The following ADAM32 variants were observed in gnomAD, a reference collection of about 807,000 sequenced individuals.
The protein encoded by ADAM32 is ADAM metallopeptidase domain 32.
In ADAM32, 89 loss-of-function variants were observed where a neutral mutation model predicts 114.9. That is an observed-to-expected ratio of 0.77 (90% CI 0.65 to 0.92). ADAM32 has a LOEUF of 0.92. ADAM32 is among the 40% of genes least tolerant of loss of function. The pLI is 0.00. For missense variants in ADAM32, 870 were observed against 932.8 expected (o/e 0.93, Z 0.88); for synonymous variants, 285 against 307.5 (o/e 0.93, Z 0.77).
rs569256965 is a variant in ADAM32 at position 39,184,905 on chromosome 8, G to C, written c.916-2004G>C. ...TCTGTAAGCCCCTTTAGCCTATGGTGGTAATTGCACCCACCTTGTCTCAGT... is the reference window on the plus strand; with the variant it reads ...TCTGTAAGCCCCTTTAGCCTATGGTCGTAATTGCACCCACCTTGTCTCAGT... On this transcript the variant is annotated intron_variant, in intron 10 of 24. Transcript: ENST00000379907. Among the ~76,000 whole-genome samples, 16 of 152,270 alleles carry C rather than the reference G, an allele frequency of 1.1e-4. No individual in the cohort carries two copies. The South Asian group carries it at 3.3e-3, about 32-fold the overall frequency.
intron 10 of ADAM32, among the ~76,000 whole-genome samples, chr8:39,181,558 G>A (rs1805896592): frequency 6.6e-6 from 1 of 152,198 alleles, no homozygotes; most frequent in Non-Finnish European, 1.5e-5. Flanking sequence ...TGATAATTGG[G>A]CTAGGTATAG....
At chr8:39,264,366 T>C (rs1028112811) in intron 19 of ADAM32, among the ~76,000 whole-genome samples, 1 of 152,222 alleles carries the variant, frequency 6.6e-6, no homozygotes, top group African/African-American at 2.4e-5. Flanking sequence ...TAATAGTTTC[T>C]GAAGATTTTT....
chr8:39,140,883 G>C (rs527901923), intron 3 of ADAM32, among the ~76,000 whole-genome samples: 1 of 152,082 alleles, frequency 6.6e-6, no homozygotes, highest in Non-Finnish European at 1.5e-5. Flanking sequence ...AGTCTTGGGC[G>C]GGTGCACGTG....
rs1291716414 is a variant in ADAM32 at position 39,247,834 on chromosome 8, T to C, written c.1902+1668T>C. Among the ~76,000 whole-genome samples the C allele has an allele frequency of 4.6e-5, 7 of 151,798 alleles. No individual in the cohort carries two copies. In the East Asian group the frequency reaches 1.3e-3, roughly 29 times the overall value. The stretch of plus-strand genomic sequence containing the variant: ...GAGTTTTTTAGCTTTGCATTTTACA[T>C]TTAGGCCTATGACCCATTCTGGATT... On this transcript the variant is annotated intron_variant, in intron 17 of 24. Transcript: ENST00000379907.
chr8:39,119,083 T>C (rs967752027), intron 2 of ADAM32, among the ~76,000 whole-genome samples: 10 of 152,248 alleles, frequency 6.6e-5, no homozygotes, highest in Non-Finnish European at 1.2e-4. Flanking sequence ...AATTTTTATA[T>C]CTTATATGTG....
chr8:39,144,755 A>T (rs866409951), intron 3 of ADAM32, among the ~76,000 whole-genome samples: 56 of 152,350 alleles, frequency 3.7e-4, no homozygotes, highest in African/African-American at 1.2e-3. Context: ...CAAGATTAGG[A>T]TGCCTATTTT....
intron 9 of ADAM32, chr8:39,169,373 T>C (rs1370440015): frequency 6.6e-6 from 1 of 152,298 alleles, no homozygotes; most frequent in Non-Finnish European, 1.5e-5. Context: ...ACAAAAATAA[T>C]ATCTACTTCA....
At chr8:39,233,608 C>T (rs1293349320) in intron 15 of ADAM32, among the ~76,000 whole-genome samples, 2 of 152,122 alleles carry the variant, frequency 1.3e-5, no homozygotes, top group East Asian at 3.9e-4. Context: ...AATGCCGTAA[C>T]CTCCTGGGAA....
At chr8:39,178,839 C>T (rs1805672866) in intron 10 of ADAM32, among the ~76,000 whole-genome samples, 1 of 152,204 alleles carries the variant, frequency 6.6e-6, no homozygotes, top group Non-Finnish European at 1.5e-5. Context: ...GCCTCAGTCT[C>T]TCCCACACCT....
chr8:39,138,156 T>A (rs1802916675), intron 3 of ADAM32, among the ~76,000 whole-genome samples: 1 of 152,142 alleles, frequency 6.6e-6, no homozygotes, highest in South Asian at 2.1e-4. Context: ...GTTTCCTTTT[T>A]TTGTGTGTAT....
chr8:39,278,203 C>T (rs1049839609), intron 22 of ADAM32, among the ~76,000 whole-genome samples: 3 of 152,274 alleles, frequency 2.0e-5, no homozygotes, highest in African/African-American at 7.2e-5. Context: ...TTCTCTCCGA[C>T]ATCCAGCCAT....
chr8:39,141,401 A>C (rs1404037292), intron 3 of ADAM32, among the ~76,000 whole-genome samples: 1 of 152,120 alleles, frequency 6.6e-6, no homozygotes, highest in African/African-American at 2.4e-5. Context: ...CTTTGTTCTC[A>C]TTGGTTTCAA....
Position 39,151,414 on chromosome 8 carries a change from G to A in ADAM32, c.391G>A (p.Glu131Lys). Residue 131 changes from glutamate (E) to lysine (K), a missense_variant, in exon 6 of 25, where the codon GAG becomes AAG. Glu to Lys is a moderately conservative substitution (Grantham distance 56, BLOSUM62 1). Coordinates refer to ENST00000379907, the MANE Select transcript of ADAM32 (RefSeq NM_145004.7). ...LQFENVSYGI[E>K]PLESAVEFQH... Reference sequence around the variant, plus strand: ...ATTTGAAAATGTTTCTTATGGAATTGAGCCTCTGGAATCTGCAGTTGAATT... The same window carrying A: ...ATTTGAAAATGTTTCTTATGGAATTAAGCCTCTGGAATCTGCAGTTGAATT... The A allele has an allele frequency of 3.1e-6, 5 of 1,597,852 alleles. No individual in the cohort carries two copies. Among genetic ancestry groups the A allele is most frequent in the Non-Finnish European group, 4.3e-6 (5 of 1,174,832 alleles).
chr8:39,149,939 A>G, intron 5 of ADAM32, 72 bp downstream of exon 5: 2 of 1,305,954 alleles, frequency 1.5e-6, no homozygotes, highest in South Asian at 1.3e-5. Context: ...TTCTCTTTGT[A>G]TTAAGTGTGG....
intron 14 of ADAM32, among the ~76,000 whole-genome samples, chr8:39,227,592 G>A (rs961852751): frequency 7.9e-5 from 12 of 152,108 alleles, no homozygotes; most frequent in Non-Finnish European, 1.8e-4. Flanking sequence ...GCATGACTCA[G>A]CAGAGGCAGC....
chr8:39,220,012 T>C (rs976807673), intron 12 of ADAM32, among the ~76,000 whole-genome samples: 2 of 152,188 alleles, frequency 1.3e-5, no homozygotes, highest in Non-Finnish European at 2.9e-5. Context: ...TTTAGTTTTC[T>C]GTCTTGGTGA....
At chr8:39,145,970 A>C (rs1471706710) in intron 3 of ADAM32, among the ~76,000 whole-genome samples, 4 of 152,116 alleles carry the variant, frequency 2.6e-5, no homozygotes, top group Non-Finnish European at 5.9e-5. Flanking sequence ...AGCCCAAAGC[A>C]ATCCCTCCAC....
intron 20 of ADAM32, among the ~76,000 whole-genome samples, chr8:39,273,823 CTCT>C (rs1348806673): frequency 6.6e-6 from 1 of 151,826 alleles, no homozygotes; most frequent in African/African-American, 2.4e-5. Flanking sequence ...TTCAGCACTC[CTCT>C]ATGCGAGGAA....
intron 12 of ADAM32, among the ~76,000 whole-genome samples, chr8:39,214,120 C>G (rs1486900601): frequency 6.6e-6 from 1 of 152,182 alleles, no homozygotes; most frequent in Non-Finnish European, 1.5e-5. Context: ...CAAATCCTGG[C>G]TATTGAGAAT....
Sources: gnomAD v4.1 joint callset for allele counts (sites outside exome capture counted in the v4.1 genomes callset) on GRCh38, gnomAD v4.1.1 for gene constraint, MANE v1.5 for transcripts, NCBI Gene and HGNC (gene_info 2026-07-23, HGNC 2026-07-21) for gene names.